Variants in A2ML1 observed in about 807,000 individuals in gnomAD.
A2ML1 encodes the protein alpha-2-macroglobulin-like protein 1.
A2ML1 carries 161 observed loss-of-function variants against 181.9 expected under a neutral mutation model. The observed-to-expected ratio is 0.89, with a 90% confidence interval of 0.78 to 1.01. The LOEUF (loss-of-function observed/expected upper bound fraction) is 1.01, where lower values mean the gene tolerates loss of function less well. Among genes scored for constraint, A2ML1 ranks in the 50% least tolerant of loss-of-function variants. The pLI is 0.00. For missense variants in A2ML1, 1,670 were observed against 1,768.1 expected, an observed-to-expected ratio of 0.94 and a Z score of 1.00; for synonymous variants, 663 against 666.8, an observed-to-expected ratio of 0.99 and a Z score of 0.09.
chr12:8,844,030 A>G (rs1943583333), intron 12 of A2ML1, among the ~76,000 whole-genome samples: 1 of 150,006 alleles, frequency 6.7e-6, no homozygotes, highest in African/African-American at 2.5e-5. Flanking sequence ...TCAAGTATTC[A>G]ATATTCCTAT....
At chr12:8,835,976 G>A (rs1320415138) in intron 6 of A2ML1, among the ~76,000 whole-genome samples, 1 of 136,434 alleles carries the variant, frequency 7.3e-6, no homozygotes, top group Non-Finnish European at 1.5e-5. Flanking sequence ...TCACGCCACT[G>A]CACTCCAGCC....
chr12:8,860,791 A>T, intron 26 of A2ML1, 90 bp from the exon 27 acceptor site: 1 of 1,085,982 alleles, frequency 9.2e-7, no homozygotes, highest in Non-Finnish European at 1.4e-6. Flanking sequence ...TTATTCATCT[A>T]TTCAGAGGGG....
rs372629661 is a variant in A2ML1 at position 8,848,856 on chromosome 12, G to A, written c.1970G>A (p.Arg657His). 167 of 1,614,010 alleles carry A rather than the reference G, an allele frequency of 1.0e-4. No individual in the cohort carries two copies. The highest frequency in any genetic ancestry group is 5.1e-4 in the South Asian group (46 of 91,068). Residue 657 changes from arginine (R) to histidine (H), a missense_variant, in exon 16 of 36, where the codon CGT becomes CAT. Coordinates refer to ENST00000299698, the MANE Select transcript of A2ML1 (RefSeq NM_144670.6). ...ATGCCCCAAGGGCATTCGAGCCAGC[G>A]TTCCATTATCTGGAGGCCCTCGTTC... ...DPMPQGHSSQ[R>H]SIIWRPSFSE...
chr12:8,853,275 A>T (rs183119192), intron 20 of A2ML1, among the ~76,000 whole-genome samples: 4 of 152,308 alleles, frequency 2.6e-5, no homozygotes, highest in African/African-American at 9.6e-5. Context: ...TACAAGAATG[A>T]GTCACTGCAC....
chr12:8,879,231 C>T (rs1944845551), downstream of A2ML1, among the ~76,000 whole-genome samples: 1 of 152,080 alleles, frequency 6.6e-6, no homozygotes, highest in Non-Finnish European at 1.5e-5. Context: ...GCAGCTCACA[C>T]CTGTAATCCC....
intron 12 of A2ML1, among the ~76,000 whole-genome samples, chr12:8,844,039 A>T (rs753472556): frequency 1.3e-5 from 2 of 150,288 alleles, no homozygotes; most frequent in African/African-American, 4.9e-5. Context: ...CAATATTCCT[A>T]TGTGGCTATG....
chr12:8,829,917 T>A, intron 4 of A2ML1, 138 bp downstream of exon 4: 1 of 978,892 alleles, frequency 1.0e-6, no homozygotes, highest in Non-Finnish European at 1.5e-6. Context: ...TGCGTGGGAC[T>A]GGAAGTGCTG....
chr12:8,831,142 G>C (rs560670666), intron 4 of A2ML1, among the ~76,000 whole-genome samples: 1 of 151,848 alleles, frequency 6.6e-6, no homozygotes, highest in Non-Finnish European at 1.5e-5. Context: ...GTAGAGTTGT[G>C]GGGGGCGGGG....
chr12:8,857,714 T>C, intron 25 of A2ML1, 126 bp downstream of exon 25: 1 of 1,171,560 alleles, frequency 8.5e-7, no homozygotes. Flanking sequence ...ACCTCTTTAA[T>C]ACTGTTTATT....
rs145953991 is a variant in A2ML1, at chr12:8,846,338, G to A, written c.1683+116G>A. 1.7e-3 allele frequency: 1,956 copies of A among 1,182,588 alleles called. 26 individuals carry two copies. The African/African-American group carries it at 0.026, about 16-fold the overall frequency. 73.3% of individuals were successfully genotyped at this position (1,182,588 alleles called of 1,614,324 possible). A position where few individuals can be genotyped will look rare whatever the true frequency, so the allele number is the denominator to read the frequency against. On this transcript the variant is annotated intron_variant, in intron 14 of 35. Coordinates refer to ENST00000299698, the MANE Select transcript of A2ML1 (RefSeq NM_144670.6). ...AAAGAAGATAGTGTTGACGTTGGAT[G>A]TTGTATTATATTTATATCTTTAGTG...
intron 26 of A2ML1, among the ~76,000 whole-genome samples, chr12:8,858,428 T>A (rs759572264): frequency 8.6e-5 from 13 of 151,932 alleles, no homozygotes; most frequent in Admixed American, 2.6e-4. Flanking sequence ...ACAAAAAAAA[T>A]ATGAAAAATT....
In A2ML1 at chr12:8,849,657, G is replaced by A; in HGVS notation, c.2029-12G>A. Reference sequence around the variant, plus strand: ...GGACCACCTTAATACTTATTTCTCTGATGCCTATCAGGACGTGGGCCTGAA... The same window carrying A: ...GGACCACCTTAATACTTATTTCTCTAATGCCTATCAGGACGTGGGCCTGAA... On this transcript the variant is annotated splice_polypyrimidine_tract_variant and intron_variant, in intron 16 of 35. Coordinates refer to ENST00000299698, the MANE Select transcript of A2ML1 (RefSeq NM_144670.6). 1.9e-6 allele frequency: 3 copies of A among 1,612,454 alleles called. No homozygotes were observed. In the South Asian group the frequency reaches 3.3e-5, roughly 18 times the overall value.
At chr12:8,826,511 G>A (rs1942934115) in intron 3 of A2ML1, among the ~76,000 whole-genome samples, 1 of 152,110 alleles carries the variant, frequency 6.6e-6, no homozygotes, top group African/African-American at 2.4e-5. Context: ...GCAGTGGCGG[G>A]ATCACTGCTT....
At chr12:8,831,349 T>C (rs1160603523) in intron 4 of A2ML1, among the ~76,000 whole-genome samples, 1 of 152,172 alleles carries the variant, frequency 6.6e-6, no homozygotes, top group East Asian at 1.9e-4. Flanking sequence ...TTAGACTCAC[T>C]TACCCTCAGG....
intron 12 of A2ML1, 106 bp downstream of exon 12, chr12:8,843,467 C>A: frequency 2.0e-6 from 2 of 984,628 alleles, no homozygotes; most frequent in South Asian, 2.2e-5. Context: ...AGATGCACAT[C>A]TAATTAAAAA....
At position 8,838,966 on chromosome 12, in the gene A2ML1, T is replaced by C. The variant is rs566240740; in HGVS notation, c.971-147T>C. 9.6e-4 allele frequency: 502 copies of C among 523,260 alleles called. 3 individuals carry two copies. Among genetic ancestry groups the C allele is most frequent in the Non-Finnish European group, 1.1e-3 (332 of 298,006 alleles). 32.4% of individuals were successfully genotyped at this position (523,260 alleles called of 1,614,324 possible). On this transcript the variant is annotated intron_variant, in intron 9 of 35. Coordinates refer to ENST00000299698, the MANE Select transcript of A2ML1 (RefSeq NM_144670.6). ...AAATACTACATACTTCTCCAAAAGA[T>C]TGGGGAGGTGAGGTTGGTTTGGATC...
Position 8,823,335 on chromosome 12 carries a change from G to A in A2ML1, c.216G>A (p.Lys72=), listed in dbSNP as rs747225412. The A allele has an allele frequency of 4.7e-5, 76 of 1,613,884 alleles. No homozygotes were observed. Among genetic ancestry groups the A allele is most frequent in the Admixed American group, 3.2e-4 (19 of 59,940 alleles). ...AGTTGCTAGAATACTCTGGACTGAAGAAGAGGCACTTACATTGTATCTCCT... is the reference window on the plus strand; with the variant it reads ...AGTTGCTAGAATACTCTGGACTGAAAAAGAGGCACTTACATTGTATCTCCT... ...TQKLLEYSGL[K]KRHLHCISFL... Residue 72 remains lysine, a synonymous_variant, in exon 2 of 36, where the codon AAG becomes AAA. Transcript: ENST00000299698.
chr12:8,872,843 G>C (rs1944675449), intron 33 of A2ML1, among the ~76,000 whole-genome samples: 1 of 149,376 alleles, frequency 6.7e-6, no homozygotes, highest in South Asian at 2.1e-4. Flanking sequence ...AAAAAAATAA[G>C]AATGGTGACA....
In A2ML1 at chr12:8,846,132, T is replaced by TC; in HGVS notation, c.1595dup (p.Ser533PhefsTer16). 6.2e-7 allele frequency: 1 copy of TC among 1,614,208 alleles called. No individual in the cohort carries two copies. Among genetic ancestry groups the TC allele is most frequent in the Non-Finnish European group, 8.5e-7 (1 of 1,180,038 alleles). On this transcript the variant is annotated frameshift_variant, in exon 14 of 36. Transcript: ENST00000299698. LOFTEE classifies it high-confidence loss of function. Reference sequence around the variant, plus strand: ...CCTTCACTTCGAGACTGGCCCCTGATCCTTCCCTGGTGATCTATGCCATTT... The same window carrying TC: ...CCTTCACTTCGAGACTGGCCCCTGATCCCTTCCCTGGTGATCTATGCCATTT...
Sources: gnomAD v4.1 joint callset for allele counts (sites outside exome capture counted in the v4.1 genomes callset) on GRCh38, gnomAD v4.1.1 for gene constraint, MANE v1.5 for transcripts, NCBI Gene and HGNC (gene_info 2026-07-23, HGNC 2026-07-21) for gene names.